The following COPG1 variants were observed in gnomAD, a reference collection of about 807,000 sequenced individuals.
COPG1 encodes the protein coat protein complex I subunit gamma 1.
Under a neutral mutation model 102.8 loss-of-function variants are expected in COPG1, and 29 were observed. That is an observed-to-expected ratio of 0.28 (90% CI 0.21 to 0.38). The LOEUF is 0.38. Among genes scored for constraint, COPG1 ranks in the 10% least tolerant of loss-of-function variants. The pLI is 1.00. For synonymous variants in COPG1, 406 were observed against 421.6 expected (o/e 0.96, Z 0.45); for missense variants, 875 against 1,132.7 (o/e 0.77, Z 3.27).
intron 21 of COPG1, among the ~76,000 whole-genome samples, 179 bp from the exon 22 acceptor site, chr3:129,274,659 T>C (rs946838994): frequency 2.6e-5 from 4 of 152,184 alleles, no homozygotes; most frequent in African/African-American, 9.7e-5. Context: ...CATTTGCCTT[T>C]GGGCACCTCA....
chr3:129,276,823 C>CT (rs34883126), intron 23 of COPG1, among the ~76,000 whole-genome samples: 34,418 of 129,794 alleles, frequency 0.27, 5,141 homozygotes, highest in East Asian at 0.54. Flanking sequence ...CAGTGACTTT[C>CT]TTTTTTTTTT....
intron 12 of COPG1, 127 bp downstream of exon 12, chr3:129,260,934 C>A: frequency 2.1e-6 from 2 of 940,758 alleles, no homozygotes; most frequent in Non-Finnish European, 3.2e-6. Flanking sequence ...TCAGAGGAGG[C>A]CAGCAGTTTG....
At position 129,257,765 on chromosome 3, in the gene COPG1, T is replaced by C. The variant is rs995344366; in HGVS notation, c.776T>C (p.Leu259Ser). 1 of 1,614,074 alleles carries C rather than the reference T, an allele frequency of 6.2e-7. No individual in the cohort carries two copies. Among genetic ancestry groups the C allele is most frequent in the African/African-American group, 1.3e-5 (1 of 74,936 alleles). Residue 259 changes from leucine (L) to serine (S), a missense_variant, in exon 10 of 24, where the codon TTG becomes TCG. Physicochemically the swap from Leu to Ser is moderately radical, Grantham distance 145. Transcript: ENST00000314797. ...SPLFDFIESC[L>S]RNKHEMVVYE... ...CTGTTTGACTTCATCGAGAGCTGCT[T>C]GCGCAACAAGCACGAGATGGTGGTG...
At chr3:129,268,702 A>G in intron 17 of COPG1, 82 bp downstream of exon 17, 1 of 1,498,554 alleles carries the variant, frequency 6.7e-7, no homozygotes, top group Non-Finnish European at 9.1e-7. Context: ...CCACTAACCT[A>G]ACTAGGGTGG....
chr3:129,265,453 G>A (rs1940033094), intron 13 of COPG1, 96 bp from the exon 14 acceptor site: 1 of 1,482,386 alleles, frequency 6.7e-7, no homozygotes, highest in Non-Finnish European at 9.1e-7. Context: ...CTGTCTCCAA[G>A]TTCTGTGTTT....
At chr3:129,249,823 C>G in intron 1 of COPG1, 77 bp downstream of exon 1, 1 of 1,481,316 alleles carries the variant, frequency 6.8e-7, no homozygotes, top group East Asian at 2.5e-5. Context: ...TCTGTCCTGA[C>G]CCGGAGGCTG....
intron 12 of COPG1, 87 bp downstream of exon 12, chr3:129,260,894 T>C (rs571354552): frequency 2.8e-5 from 39 of 1,394,070 alleles, no homozygotes; most frequent in Non-Finnish European, 3.7e-5. Flanking sequence ...CTGCCAGGAC[T>C]GACCTGAGGG....
chr3:129,249,755 G>C lies in COPG1; in HGVS notation c.37+9G>C, dbSNP rs1281101124. The C allele has an allele frequency of 6.4e-7, 1 of 1,551,080 alleles. No individual in the cohort carries two copies. ...GAAGGATGAGGAGTCAGGTGAGGGG[G>C]CCAGGCCTGGGTCTGAGGGAGGCCG... is the stretch of plus-strand genomic sequence containing the variant. On this transcript the variant is annotated intron_variant, in intron 1 of 23. Coordinates refer to ENST00000314797, the MANE Select transcript of COPG1 (RefSeq NM_016128.4).
intron 1 of COPG1, 38 bp downstream of exon 1, chr3:129,249,784 C>G (rs1939652816): frequency 6.5e-7 from 1 of 1,530,630 alleles, no homozygotes; most frequent in South Asian, 1.2e-5. Flanking sequence ...GAGGCCGGAC[C>G]CCCACCCGCC....
intron 6 of COPG1, 112 bp from the exon 7 acceptor site, chr3:129,254,873 C>A: frequency 8.5e-7 from 1 of 1,178,384 alleles, no homozygotes. Flanking sequence ...TGCAGGAGCA[C>A]ATGAGAAACG....
chr3:129,272,135 A>G, intron 19 of COPG1, 109 bp from the exon 20 acceptor site: 1 of 1,138,948 alleles, frequency 8.8e-7, no homozygotes, highest in Non-Finnish European at 1.3e-6. Flanking sequence ...GGGGACTGGG[A>G]TGGGAATCAC....
At chr3:129,276,955 C>G (rs112875892) in intron 23 of COPG1, among the ~76,000 whole-genome samples, 18,670 of 151,676 alleles carry the variant, frequency 0.12, 1,295 homozygotes, top group Middle Eastern at 0.23. Flanking sequence ...TCCCGAGTAG[C>G]TGGGATTACA....
intron 1 of COPG1, among the ~76,000 whole-genome samples, chr3:129,249,981 C>CT (rs1939659216): frequency 6.6e-6 from 1 of 151,988 alleles, no homozygotes; most frequent in African/African-American, 2.4e-5. Flanking sequence ...ACACCCCCCC[C>CT]CCCAGGCCTC....
At chr3:129,256,898 G>A (rs531960043) in intron 8 of COPG1, among the ~76,000 whole-genome samples, 2 of 152,326 alleles carry the variant, frequency 1.3e-5, no homozygotes, top group East Asian at 1.9e-4. Context: ...AGAGAGTATC[G>A]AGGACAGGAA....
intron 12 of COPG1, among the ~76,000 whole-genome samples, chr3:129,261,895 A>G (rs1436241033): frequency 6.6e-6 from 1 of 152,222 alleles, no homozygotes; most frequent in African/African-American, 2.4e-5. Context: ...CCTGGCAGCC[A>G]TTAATTTGTT....
At chr3:129,259,077 T>G (rs1939870073) in intron 10 of COPG1, among the ~76,000 whole-genome samples, 1 of 152,174 alleles carries the variant, frequency 6.6e-6, no homozygotes, top group Non-Finnish European at 1.5e-5. Context: ...TGTTTTTCTA[T>G]TATTCTCTAC....
chr3:129,257,968 GGAGTCTGTACCTAGGA>G, intron 10 of COPG1, 108 bp downstream of exon 10: 2 of 1,428,014 alleles, frequency 1.4e-6, no homozygotes, highest in Non-Finnish European at 1.9e-6. Flanking sequence ...CAAGTGTTAA[GGAGTCTGTACCTAGGA>G]AGCACCTGCC....
chr3:129,252,211 C>G (rs1355832421), intron 2 of COPG1, 70 bp from the exon 3 acceptor site: 1 of 1,111,510 alleles, frequency 9.0e-7, no homozygotes, highest in Non-Finnish European at 1.4e-6. Flanking sequence ...TGAGACTTCT[C>G]AGACATTGAA....
Position 129,274,991 on chromosome 3 carries a change from A to G in COPG1, c.2395+15A>G. On this transcript the variant is annotated intron_variant, in intron 22 of 23. Transcript: ENST00000314797. Reference sequence around the variant, plus strand: ...GACACTTGAAGGTAAAATCCTGGGAATGCCATCTCTGGCCTAATTACTGTT... The same window carrying G: ...GACACTTGAAGGTAAAATCCTGGGAGTGCCATCTCTGGCCTAATTACTGTT... 6.2e-7 allele frequency: 1 copy of G among 1,613,740 alleles called. No individual in the cohort carries two copies. The highest frequency in any genetic ancestry group is 8.5e-7 in the Non-Finnish European group (1 of 1,179,650).
Sources: allele counts gnomAD v4.1 joint callset (sites outside exome capture counted in the v4.1 genomes callset), GRCh38; gene constraint gnomAD v4.1.1; transcripts MANE v1.5; gene names NCBI Gene and HGNC (gene_info 2026-07-23, HGNC 2026-07-21).